The following RSRC1 variants were observed in gnomAD, a reference collection of about 807,000 sequenced individuals.
RSRC1 encodes arginine and serine rich coiled-coil 1.
Under a neutral mutation model 49.1 loss-of-function variants are expected in RSRC1, and 39 were observed. The ratio of observed to expected loss-of-function variants is 0.79; its 90% CI spans 0.61 to 1.04. The LOEUF is 1.04. RSRC1 is among the 50% of genes least tolerant of loss of function. RSRC1 has a pLI of 0.00. For missense variants in RSRC1, 388 were observed against 402.4 expected (o/e 0.96, Z 0.31); for synonymous variants, 143 against 130.8 (o/e 1.09, Z -0.63).
chr3:158,117,102 G>A (rs1714886834), intron 1 of RSRC1, among the ~76,000 whole-genome samples: 1 of 152,120 alleles, frequency 6.6e-6, no homozygotes, highest in African/African-American at 2.4e-5. Context: ...CATTTTCTCA[G>A]CATTTTAAAG....
intron 3 of RSRC1, among the ~76,000 whole-genome samples, chr3:158,173,864 T>A (rs1021737469): frequency 1.3e-5 from 2 of 151,882 alleles, no homozygotes; most frequent in Non-Finnish European, 2.9e-5. Flanking sequence ...AGAAATCACA[T>A]ACTGTACCAT....
At position 158,451,131 on chromosome 3, in the gene RSRC1, CAT is replaced by C. The variant is rs554484888; in HGVS notation, c.584-9803_584-9802del. Among the ~76,000 whole-genome samples, 31 of 151,968 alleles carry C rather than the reference CAT, an allele frequency of 2.0e-4. No homozygotes were observed. In the East Asian group the frequency reaches 2.9e-3, roughly 14 times the overall value. ...TAGTCCAGAATAATATTATTTGTCA[CAT>C]GTTTCTATATATTTCTTCTTATATA... On this transcript the variant is annotated intron_variant, in intron 6 of 9. Coordinates refer to ENST00000611884, the MANE Select transcript of RSRC1 (RefSeq NM_001271838.2).
chr3:158,273,529 T>C (rs1161803233), intron 4 of RSRC1, among the ~76,000 whole-genome samples: 1 of 152,154 alleles, frequency 6.6e-6, no homozygotes, highest in Non-Finnish European at 1.5e-5. Flanking sequence ...TATCCCCCAT[T>C]CTATCGCAAT....
At chr3:158,223,310 C>G (rs1477819242) in intron 4 of RSRC1, among the ~76,000 whole-genome samples, 1 of 151,572 alleles carries the variant, frequency 6.6e-6, no homozygotes, top group Non-Finnish European at 1.5e-5. Context: ...ATTTTTCAGA[C>G]TCTGTAGGTT....
rs192386167 is a variant in RSRC1, at chr3:158,241,491, T to A, written c.494+38246T>A. 1.9e-3 allele frequency among the ~76,000 whole-genome samples: 288 copies of A among 151,506 alleles called. 2 individuals carry two copies. In the East Asian group the frequency reaches 0.033, roughly 17 times the overall value. On this transcript the variant is annotated intron_variant, in intron 4 of 9. Coordinates refer to ENST00000611884, the MANE Select transcript of RSRC1 (RefSeq NM_001271838.2). The stretch of plus-strand genomic sequence containing the variant: ...ATATATATTATAAAAATATTTTTTT[T>A]AAAAAAGTGTCCATAGTGCCTTATT...
At chr3:158,230,561 CAT>C (rs1722892330) in intron 4 of RSRC1, among the ~76,000 whole-genome samples, 4 of 151,912 alleles carry the variant, frequency 2.6e-5, no homozygotes, top group Admixed American at 6.6e-5. Flanking sequence ...TGAAATAAAA[CAT>C]ATCATTCTGC....
chr3:158,511,865 G>C (rs945948574), intron 7 of RSRC1, among the ~76,000 whole-genome samples: 3 of 152,040 alleles, frequency 2.0e-5, no homozygotes, highest in African/African-American at 7.2e-5. Context: ...GCATTTCTCT[G>C]ATGGCCAGTG....
At chr3:158,436,949 G>C (rs1198765830) in intron 6 of RSRC1, among the ~76,000 whole-genome samples, 2 of 151,892 alleles carry the variant, frequency 1.3e-5, no homozygotes, top group African/African-American at 4.8e-5. Context: ...GTAATGGATA[G>C]AGCCAGGATT....
At chr3:158,110,785 C>T (rs973820233) in intron 1 of RSRC1, among the ~76,000 whole-genome samples, 3 of 152,188 alleles carry the variant, frequency 2.0e-5, no homozygotes, top group African/African-American at 4.8e-5. Context: ...TAAATATGCT[C>T]GCCTTAAACA....
intron 6 of RSRC1, among the ~76,000 whole-genome samples, chr3:158,439,724 T>C (rs1188130616): frequency 6.6e-6 from 1 of 152,098 alleles, no homozygotes; most frequent in Non-Finnish European, 1.5e-5. Flanking sequence ...AATGTTGAGT[T>C]GATGGGTGCA....
chr3:158,150,870 A>G (rs1717486937), intron 3 of RSRC1, among the ~76,000 whole-genome samples: 1 of 152,186 alleles, frequency 6.6e-6, no homozygotes, highest in Non-Finnish European at 1.5e-5. Flanking sequence ...TTATTTGGGC[A>G]TAGGATTCTT....
At chr3:158,463,471 C>A (rs1245918059) in intron 7 of RSRC1, among the ~76,000 whole-genome samples, 3 of 151,952 alleles carry the variant, frequency 2.0e-5, no homozygotes, top group Non-Finnish European at 4.4e-5. Flanking sequence ...AATAAAAATC[C>A]TTTATTTTCA....
intron 5 of RSRC1, among the ~76,000 whole-genome samples, chr3:158,344,776 C>T (rs1295943034): frequency 3.3e-5 from 5 of 151,942 alleles, no homozygotes; most frequent in African/African-American, 1.2e-4. Flanking sequence ...GAGTTTATTG[C>T]AATATATGAC....
At chr3:158,273,027 T>TA (rs572424505) in intron 4 of RSRC1, among the ~76,000 whole-genome samples, 40 of 151,912 alleles carry the variant, frequency 2.6e-4, no homozygotes, top group African/African-American at 9.2e-4. Flanking sequence ...TTTGAGAGGT[T>TA]AAAAAAAAGA....
chr3:158,125,581 G>A (rs1715565969), intron 3 of RSRC1, among the ~76,000 whole-genome samples: 1 of 152,136 alleles, frequency 6.6e-6, no homozygotes, highest in Non-Finnish European at 1.5e-5. Flanking sequence ...GTTTCGAAAA[G>A]ATACTTGCTA....
intron 6 of RSRC1, among the ~76,000 whole-genome samples, chr3:158,365,339 C>T (rs1731704029): frequency 6.6e-6 from 1 of 152,036 alleles, no homozygotes; most frequent in Admixed American, 6.5e-5. Context: ...TCATGTTCCC[C>T]TCCCTGTGTC....
chr3:158,147,102 C>CTTTTTTTTTTTTTT (rs35460810), intron 3 of RSRC1, among the ~76,000 whole-genome samples: 12 of 34,738 alleles, frequency 3.5e-4, no homozygotes, highest in East Asian at 9.3e-4. Context: ...GCTTTTCTGC[C>CTTTTTTTTTTTTTT]TTTTTTTTTT....
intron 3 of RSRC1, among the ~76,000 whole-genome samples, chr3:158,169,638 C>G (rs1718753351): frequency 6.6e-6 from 1 of 152,086 alleles, no homozygotes; most frequent in Non-Finnish European, 1.5e-5. Context: ...TGAGAAGATT[C>G]AGAATTGCAT....
intron 6 of RSRC1, among the ~76,000 whole-genome samples, chr3:158,426,070 T>C (rs921558276): frequency 6.6e-6 from 1 of 151,728 alleles, no homozygotes; most frequent in Non-Finnish European, 1.5e-5. Flanking sequence ...AAGAATTTAT[T>C]GTTCATATGG....
Sources: gnomAD v4.1 joint callset for allele counts (sites outside exome capture counted in the v4.1 genomes callset) on GRCh38, gnomAD v4.1.1 for gene constraint, MANE v1.5 for transcripts, NCBI Gene and HGNC (gene_info 2026-07-23, HGNC 2026-07-21) for gene names.